CPS1: variants seen among roughly 807,000 people sequenced by gnomAD.
The protein encoded by CPS1 is carbamoyl-phosphate synthase 1.
In CPS1, 109 loss-of-function variants were observed where a neutral mutation model predicts 174.6. That is an observed-to-expected ratio of 0.62 (90% CI 0.53 to 0.73). The LOEUF is 0.73. Ranked by LOEUF, CPS1 falls within the 30% of genes least tolerant of loss-of-function variation. The pLI is 0.00. For synonymous variants in CPS1, 637 were observed against 632.0 expected (o/e 1.01, Z -0.12); for missense variants, 1,689 against 1,821.9 (o/e 0.93, Z 1.33).
At chr2:210,666,917 C>A (rs1296498433) in intron 33 of CPS1, among the ~76,000 whole-genome samples, 1 of 152,136 alleles carries the variant, frequency 6.6e-6, no homozygotes, top group South Asian at 2.1e-4. Context: ...TTACCTTGGG[C>A]AGTATGGCCA....
chr2:210,562,745 C>A (rs913761435), intron 1 of CPS1, among the ~76,000 whole-genome samples: 6 of 152,172 alleles, frequency 3.9e-5, no homozygotes, highest in Non-Finnish European at 8.8e-5. Flanking sequence ...TGTGGGGCCT[C>A]TACTTTTTCT....
chr2:210,652,017 G>T (rs890420010), intron 28 of CPS1, among the ~76,000 whole-genome samples: 5 of 152,188 alleles, frequency 3.3e-5, no homozygotes, highest in Admixed American at 2.6e-4. Context: ...GATGTTGAGG[G>T]AGAGTGTGAA....
At chr2:210,491,999 T>C (rs1372494420) in intron 1 of CPS1, among the ~76,000 whole-genome samples, 2 of 152,028 alleles carry the variant, frequency 1.3e-5, no homozygotes, top group Non-Finnish European at 2.9e-5. Context: ...TGTAAGGGAG[T>C]TGCTAGATAA....
At position 210,664,816 on chromosome 2, in the gene CPS1, A is replaced by G. The variant is rs73984682; in HGVS notation, c.4002+1619A>G. On this transcript the variant is annotated intron_variant, in intron 33 of 37. Transcript: ENST00000233072. ...GAGTCGTTAATTCCAAGTGTCATAC[A>G]GTATAATATTACGAGGTCTGTTTTA... 3.3e-3 allele frequency among the ~76,000 whole-genome samples: 510 copies of G among 152,308 alleles called. 4 individuals carry two copies. The highest frequency in any genetic ancestry group is 0.012 in the African/African-American group (493 of 41,568).
At chr2:210,639,075 A>C in intron 22 of CPS1, 75 bp from the exon 23 acceptor site, 1 of 1,179,246 alleles carries the variant, frequency 8.5e-7, no homozygotes, top group Non-Finnish European at 1.2e-6. Flanking sequence ...TATGTATATA[A>C]AGCACAAAAA....
chr2:210,543,335 C>T (rs1696480640), intron 1 of CPS1, among the ~76,000 whole-genome samples: 1 of 152,070 alleles, frequency 6.6e-6, no homozygotes, highest in Non-Finnish European at 1.5e-5. Flanking sequence ...CTGCCAACAC[C>T]TACAGGGTCT....
chr2:210,658,044 G>A (rs1700776921), intron 30 of CPS1: 1 of 165,800 alleles, frequency 6.0e-6, no homozygotes, highest in African/African-American at 2.4e-5. Context: ...GGGACATTCT[G>A]GCTCTGGTTG....
intron 1 of CPS1, among the ~76,000 whole-genome samples, chr2:210,508,369 A>G (rs1695349094): frequency 6.6e-6 from 1 of 151,324 alleles, no homozygotes; most frequent in Non-Finnish European, 1.5e-5. Flanking sequence ...TCTGGGACAC[A>G]TTCAAAGCAG....
rs73076011 is a variant in CPS1 at position 210,627,054 on chromosome 2, G to A, written c.2687+10513G>A. 7.6e-3 allele frequency among the ~76,000 whole-genome samples: 1,161 copies of A among 152,178 alleles called. 12 individuals are homozygous for A. The highest frequency in any genetic ancestry group is 0.026 in the African/African-American group (1,091 of 41,528). On this transcript the variant is annotated intron_variant, in intron 21 of 37. Coordinates refer to ENST00000233072, the MANE Select transcript of CPS1 (RefSeq NM_001875.5). The stretch of plus-strand genomic sequence containing the variant: ...AACCCTTTTCAAAAGCTTCTTTTGC[G>A]AGATATGACTTTTAAATCAGACAGC...
chr2:210,551,072 T>A (rs1428979770), intron 1 of CPS1, among the ~76,000 whole-genome samples: 1 of 151,998 alleles, frequency 6.6e-6, no homozygotes, highest in Non-Finnish European at 1.5e-5. Flanking sequence ...TTATAATTGC[T>A]ATATATGCTT....
chr2:210,604,751 C>G (rs975253851), intron 16 of CPS1, among the ~76,000 whole-genome samples: 1 of 151,892 alleles, frequency 6.6e-6, no homozygotes, highest in Non-Finnish European at 1.5e-5. Context: ...TTTATTCACA[C>G]TTATCACATT....
intron 21 of CPS1, among the ~76,000 whole-genome samples, chr2:210,626,133 T>A (rs1699691434): frequency 6.6e-6 from 1 of 152,136 alleles, no homozygotes; most frequent in Non-Finnish European, 1.5e-5. Flanking sequence ...TGTTAATTTG[T>A]ATGAATGCAG....
chr2:210,635,350 T>C (rs930687106), intron 21 of CPS1, among the ~76,000 whole-genome samples: 1 of 152,184 alleles, frequency 6.6e-6, no homozygotes, highest in African/African-American at 2.4e-5. Context: ...TAGCACCACA[T>C]AGCTTATCCC....
At chr2:210,613,205 GA>G (rs1489645899) in intron 20 of CPS1, among the ~76,000 whole-genome samples, 1 of 151,886 alleles carries the variant, frequency 6.6e-6, no homozygotes, top group Non-Finnish European at 1.5e-5. Flanking sequence ...TGTAGAAACA[GA>G]AAAATGTTGT....
chr2:210,491,777 A>G (rs1176396822), intron 1 of CPS1, among the ~76,000 whole-genome samples: 1 of 152,198 alleles, frequency 6.6e-6, no homozygotes, highest in Non-Finnish European at 1.5e-5. Flanking sequence ...CCTGTCTCCT[A>G]AGAGGAATCT....
In CPS1 at chr2:210,579,775, AATC is replaced by A. The variant is rs1248300880; in HGVS notation, c.528+12_528+14del. Reference sequence around the variant, plus strand: ...ACTAAAATAATTCGGGATAAGGTATAATCATCATCTTTAGCCAAATCTATGTTT... The same window carrying A: ...ACTAAAATAATTCGGGATAAGGTATAATCATCTTTAGCCAAATCTATGTTT... On this transcript the variant is annotated splice_donor_region_variant and intron_variant, in intron 5 of 37. Coordinates refer to ENST00000233072, the MANE Select transcript of CPS1 (RefSeq NM_001875.5). The A allele has an allele frequency of 6.2e-7, 1 of 1,610,286 alleles. No individual in the cohort carries two copies. The highest frequency in any genetic ancestry group is 1.3e-5 in the African/African-American group (1 of 74,740).
At chr2:210,525,243 A>G (rs1169907170) in intron 1 of CPS1, among the ~76,000 whole-genome samples, 1 of 151,894 alleles carries the variant, frequency 6.6e-6, no homozygotes, top group African/African-American at 2.4e-5. Context: ...ATATATAAGC[A>G]TATATAATTT....
intron 1 of CPS1, among the ~76,000 whole-genome samples, chr2:210,507,440 C>T (rs1002732214): frequency 2.6e-5 from 4 of 152,158 alleles, no homozygotes; most frequent in African/African-American, 7.2e-5. Flanking sequence ...ATTGTAAAGA[C>T]CAGCGAGGCT....
upstream of CPS1, among the ~76,000 whole-genome samples, chr2:210,556,109 G>A (rs1040266473): frequency 6.6e-6 from 1 of 151,972 alleles, no homozygotes; most frequent in Non-Finnish European, 1.5e-5. Context: ...ACATAATATA[G>A]ATAGGTTTAT....
Sources: gnomAD v4.1 joint callset for allele counts (sites outside exome capture counted in the v4.1 genomes callset) on GRCh38, gnomAD v4.1.1 for gene constraint, MANE v1.5 for transcripts, NCBI Gene and HGNC (gene_info 2026-07-23, HGNC 2026-07-21) for gene names.